The following SDK1 variants were observed in gnomAD, a reference collection of about 807,000 sequenced individuals.
SDK1 encodes the protein sidekick cell adhesion molecule 1.
A neutral mutation model predicts 245.5 loss-of-function variants in SDK1; 157 were observed. The observed-to-expected ratio is 0.64, with a 90% CI of 0.56 to 0.73. The LOEUF is 0.73. Ranked by LOEUF, SDK1 falls within the 30% of genes least tolerant of loss-of-function variation. The pLI is 0.00. For synonymous variants in SDK1, 1,647 were observed against 1,278.5 expected, an observed-to-expected ratio of 1.29 and a Z score of -6.15; for missense variants, 3,583 against 3,002.3, an observed-to-expected ratio of 1.19 and a Z score of -4.52.
chr7:3,750,661 T>TAG (rs1188316505), intron 4 of SDK1, among the ~76,000 whole-genome samples: 1 of 152,230 alleles, frequency 6.6e-6, no homozygotes, highest in East Asian at 1.9e-4. Flanking sequence ...ACTGAACTGA[T>TAG]TTAACTGAGT....
rs763013079 is a variant in SDK1 at position 3,807,278 on chromosome 7, G to A, written c.714-14172G>A. On this transcript the variant is annotated intron_variant, in intron 4 of 44. Transcript: ENST00000404826. ...CCAGAACAGTCCCAAAGAAGGCCAAGAAGGCCTGCCTAGGAGGGTTCTATC... is the reference window on the plus strand; with the variant it reads ...CCAGAACAGTCCCAAAGAAGGCCAAAAAGGCCTGCCTAGGAGGGTTCTATC... Among the ~76,000 whole-genome samples the A allele has an allele frequency of 2.3e-4, 35 of 152,166 alleles. 1 individual carries two copies. The highest frequency in any genetic ancestry group is 4.1e-4 in the Non-Finnish European group (28 of 68,012).
In SDK1 at chr7:3,523,353, C is replaced by G. The variant is rs184227359; in HGVS notation, c.299-95727C>G. 6.1e-4 allele frequency among the ~76,000 whole-genome samples: 93 copies of G among 152,244 alleles called. 1 individual carries two copies. The highest frequency in any genetic ancestry group is 2.2e-3 in the African/African-American group (92 of 41,538). Reference sequence around the variant, plus strand: ...GTCTGTGCTGGCATAGGGCTTCTAACCTAGTGGAGGTGACACAGATACAGG... The same window carrying G: ...GTCTGTGCTGGCATAGGGCTTCTAAGCTAGTGGAGGTGACACAGATACAGG... On this transcript the variant is annotated intron_variant, in intron 1 of 44. Coordinates refer to ENST00000404826, the MANE Select transcript of SDK1 (RefSeq NM_152744.4).
In SDK1 at chr7:3,626,042, G is replaced by C. The variant is rs571004933; in HGVS notation, c.458+6803G>C. ...CATTGCAGCCTGGAACTCCTAGACT[G>C]AAGTGATCCTTCTGCACCAGCCTCC... is the stretch of plus-strand genomic sequence containing the variant. On this transcript the variant is annotated intron_variant, in intron 2 of 44. Coordinates refer to ENST00000404826, the MANE Select transcript of SDK1 (RefSeq NM_152744.4). Among the ~76,000 whole-genome samples the C allele has an allele frequency of 4.0e-3, 599 of 147,926 alleles. 6 individuals carry two copies. The highest frequency in any genetic ancestry group is 0.015 in the African/African-American group (583 of 39,936).
intron 5 of SDK1, among the ~76,000 whole-genome samples, chr7:3,881,512 A>G (rs191938588): frequency 1.2e-3 from 179 of 152,308 alleles, no homozygotes; most frequent in African/African-American, 4.2e-3. Context: ...ATTGATGGAC[A>G]TTTGGGTTGA....
chr7:3,791,802 A>G (rs1190051046), intron 4 of SDK1, among the ~76,000 whole-genome samples: 3 of 152,116 alleles, frequency 2.0e-5, no homozygotes, highest in Non-Finnish European at 4.4e-5. Context: ...TTATGGAACA[A>G]AGCTCCTCAG....
At chr7:3,635,363 A>C (rs1782425366) in intron 2 of SDK1, among the ~76,000 whole-genome samples, 1 of 152,206 alleles carries the variant, frequency 6.6e-6, no homozygotes, top group South Asian at 2.1e-4. Flanking sequence ...ATTTTTGTTT[A>C]ATCTTGAATT....
intron 17 of SDK1, among the ~76,000 whole-genome samples, chr7:4,027,140 A>T (rs2128156740): frequency 6.6e-6 from 1 of 152,244 alleles, no homozygotes; most frequent in East Asian, 1.9e-4. Context: ...GCTAGAGGAG[A>T]TCGGAGCCAG....
At chr7:3,945,935 ATAAAGT>A (rs1427756327) in intron 5 of SDK1, among the ~76,000 whole-genome samples, 1 of 130,132 alleles carries the variant, frequency 7.7e-6, no homozygotes, top group African/African-American at 2.8e-5. Flanking sequence ...AAAAAAAAAG[ATAAAGT>A]TTGAGGTGCT....
intron 23 of SDK1, among the ~76,000 whole-genome samples, chr7:4,111,768 G>A (rs1278579149): frequency 6.6e-6 from 1 of 152,162 alleles, no homozygotes; most frequent in African/African-American, 2.4e-5. Flanking sequence ...GGTACATTTG[G>A]GGAAACCTCT....
intron 1 of SDK1, among the ~76,000 whole-genome samples, chr7:3,336,557 G>A (rs1780205476): frequency 6.6e-6 from 1 of 152,160 alleles, no homozygotes; most frequent in Admixed American, 6.5e-5. Flanking sequence ...CACACCCACT[G>A]GTGGCAAATG....
chr7:3,467,060 T>G (rs1003415477), intron 1 of SDK1, among the ~76,000 whole-genome samples: 1 of 142,902 alleles, frequency 7.0e-6, no homozygotes, highest in African/African-American at 2.6e-5. Context: ...TAGAAAGACT[T>G]TAAGGAAAGA....
intron 22 of SDK1, among the ~76,000 whole-genome samples, chr7:4,097,446 G>A (rs944587309): frequency 6.6e-6 from 1 of 152,230 alleles, no homozygotes; most frequent in Non-Finnish European, 1.5e-5. Flanking sequence ...GAAGGAAGGC[G>A]TCATGCCAGG....
chr7:3,691,672 G>T (rs1325618606), intron 4 of SDK1, among the ~76,000 whole-genome samples: 2 of 152,148 alleles, frequency 1.3e-5, no homozygotes, highest in Non-Finnish European at 2.9e-5. Flanking sequence ...GACCTTGGTT[G>T]CACAGCACCA....
intron 4 of SDK1, among the ~76,000 whole-genome samples, chr7:3,800,370 C>CTTATTTATTTATTTATTTAT (rs923376278): frequency 8.7e-5 from 13 of 148,994 alleles, no homozygotes; most frequent in African/African-American, 3.3e-4. Context: ...TACTTACTTA[C>CTTATTTATTTATTTATTTAT]TTATTTATTT....
intron 1 of SDK1, among the ~76,000 whole-genome samples, chr7:3,309,524 ATTT>A (rs59762021): frequency 3.1e-5 from 4 of 127,334 alleles, no homozygotes; most frequent in Admixed American, 8.3e-5. Context: ...CTAGAAAAAG[ATTT>A]TTTTTTTTTT....
At chr7:3,415,984 T>G (rs1325395716) in intron 1 of SDK1, among the ~76,000 whole-genome samples, 2 of 152,164 alleles carry the variant, frequency 1.3e-5, no homozygotes, top group Non-Finnish European at 2.9e-5. Context: ...ATATGAGGCT[T>G]GCAATTACCA....
At chr7:3,894,721 C>T (rs1478376009) in intron 5 of SDK1, among the ~76,000 whole-genome samples, 5 of 136,296 alleles carry the variant, frequency 3.7e-5, no homozygotes, top group Non-Finnish European at 7.7e-5. Flanking sequence ...TTTTTTGAGA[C>T]GGAGTCTCAC....
intron 14 of SDK1, among the ~76,000 whole-genome samples, chr7:3,993,570 G>A (rs1459560857): frequency 6.6e-6 from 1 of 151,954 alleles, no homozygotes; most frequent in Non-Finnish European, 1.5e-5. Context: ...TATTATTCTA[G>A]TTATGCATGC....
intron 1 of SDK1, among the ~76,000 whole-genome samples, chr7:3,465,502 T>C (rs937931657): frequency 6.6e-6 from 1 of 152,204 alleles, no homozygotes; most frequent in Non-Finnish European, 1.5e-5. Context: ...TGTCCTGTTA[T>C]TTAATACCCA....
Sources: allele counts gnomAD v4.1 joint callset (sites outside exome capture counted in the v4.1 genomes callset), GRCh38; gene constraint gnomAD v4.1.1; transcripts MANE v1.5; gene names NCBI Gene and HGNC (gene_info 2026-07-23, HGNC 2026-07-21).